WWP2: variants seen among roughly 807,000 people sequenced by gnomAD.
WWP2 encodes the protein NEDD4-like E3 ubiquitin-protein ligase WWP2.
A neutral mutation model predicts 121.0 loss-of-function variants in WWP2; 57 were observed. The ratio of observed to expected loss-of-function variants is 0.47; its 90% CI spans 0.38 to 0.59. The LOEUF (loss-of-function observed/expected upper bound fraction) is 0.59, where lower values mean the gene tolerates loss of function less well. Ranked by LOEUF, WWP2 falls within the 20% of genes least tolerant of loss-of-function variation. The probability of loss-of-function intolerance (pLI) is 0.00; values close to 1 mark genes in which losing one functional copy is unlikely to be tolerated. For missense variants in WWP2, 962 were observed against 1,158.9 expected, an observed-to-expected ratio of 0.83 and a Z score of 2.47; for synonymous variants, 449 against 441.3, an observed-to-expected ratio of 1.02 and a Z score of -0.22.
chr16:69,935,737 C>A lies in WWP2; in HGVS notation c.1843-116C>A. 1 of 1,455,624 alleles carries A rather than the reference C, an allele frequency of 6.9e-7. No individual in the cohort carries two copies. The highest frequency in any genetic ancestry group is 9.2e-7 in the Non-Finnish European group (1 of 1,082,320). 90.2% of individuals were successfully genotyped at this position (1,455,624 alleles called of 1,614,324 possible). Reference sequence around the variant, plus strand: ...GTCCGAGGCAGCTGCTGCTGTAGTTCTGTCAGGGAAGGAAGGCGGGTAGCG... The same window carrying A: ...GTCCGAGGCAGCTGCTGCTGTAGTTATGTCAGGGAAGGAAGGCGGGTAGCG... On this transcript the variant is annotated intron_variant, in intron 17 of 23. Coordinates refer to ENST00000359154, the MANE Select transcript of WWP2 (RefSeq NM_001270454.2). The surrounding 1 kb of genome is among the most constrained non-coding windows in gnomAD (Gnocchi z 5.2).
At chr16:69,783,478 G>A (rs1002657822) in intron 1 of WWP2, among the ~76,000 whole-genome samples, 6 of 151,940 alleles carry the variant, frequency 3.9e-5, no homozygotes, top group African/African-American at 1.5e-4. Flanking sequence ...CGAGGCTGCC[G>A]TGAGCCATGA....
At chr16:69,849,965 T>C (rs1031958705) in intron 6 of WWP2, among the ~76,000 whole-genome samples, 8 of 152,238 alleles carry the variant, frequency 5.3e-5, no homozygotes, top group African/African-American at 1.9e-4. Context: ...ATGTTTATAA[T>C]GCCAGATGTG....
intron 2 of WWP2, among the ~76,000 whole-genome samples, chr16:69,790,675 A>T (rs992040696): frequency 6.6e-6 from 1 of 152,170 alleles, no homozygotes; most frequent in African/African-American, 2.4e-5. Context: ...TCCTGGGTTC[A>T]AGCGATTCTC....
chr16:69,817,263 T>G (rs1223031887), intron 4 of WWP2, among the ~76,000 whole-genome samples: 1 of 152,178 alleles, frequency 6.6e-6, no homozygotes, highest in Non-Finnish European at 1.5e-5. Context: ...TTTTGTTTTG[T>G]TTTTTGAGAC....
intron 4 of WWP2, among the ~76,000 whole-genome samples, chr16:69,812,310 C>T (rs759338290): frequency 6.6e-6 from 1 of 151,076 alleles, no homozygotes; most frequent in Non-Finnish European, 1.5e-5. Flanking sequence ...GGATTACAGG[C>T]ACCCACCATC....
intron 7 of WWP2, among the ~76,000 whole-genome samples, chr16:69,885,799 G>C (rs184278332): frequency 6.6e-6 from 1 of 152,162 alleles, no homozygotes; most frequent in Non-Finnish European, 1.5e-5. Context: ...GTGGGGTTGC[G>C]TGTGAGGCCT....
In WWP2 at chr16:69,800,172, G is replaced by GT. The variant is rs369389628; in HGVS notation, c.340+878dup. On this transcript the variant is annotated intron_variant, in intron 4 of 23. Transcript: ENST00000359154. ...TTGAAAGGTCTTTGAGCCTCCTCTG[G>GT]TCTTTTCTTTTCGGCTGGGCACATA... 5.6e-3 allele frequency among the ~76,000 whole-genome samples: 725 copies of GT among 128,332 alleles called. 11 individuals are homozygous for GT. The highest frequency in any genetic ancestry group is 0.019 in the African/African-American group (688 of 36,002). The allele number at this position is 128,332 out of a possible 152,430, so 84.2% of individuals were successfully genotyped here.
At chr16:69,784,014 C>T (rs1473802343) in intron 1 of WWP2, among the ~76,000 whole-genome samples, 1 of 151,894 alleles carries the variant, frequency 6.6e-6, no homozygotes, top group African/African-American at 2.4e-5. Context: ...AAGTGTGGTC[C>T]TCAGACATTG....
chr16:69,860,589 G>T (rs2057398812), intron 6 of WWP2, among the ~76,000 whole-genome samples: 2 of 152,196 alleles, frequency 1.3e-5, no homozygotes. Flanking sequence ...TCAGCAAAGG[G>T]TCTGACTCTC....
rs760810777 is a variant in WWP2 at position 69,937,141 on chromosome 16, C to A, written c.2141C>A (p.Thr714Asn). 1 of 1,613,920 alleles carries A rather than the reference C, an allele frequency of 6.2e-7. No individual in the cohort carries two copies. Among genetic ancestry groups the A allele is most frequent in the Non-Finnish European group, 8.5e-7 (1 of 1,179,944 alleles). The stretch of plus-strand genomic sequence containing the variant: ...AGGCTGCTGACTGACTGGCGTTTCA[C>A]CCGAGGCGTGGAAGAGCAGACCAAA... ...YIMLLTDWRF[T>N]RGVEEQTKAF... Residue 714 changes from threonine (T) to asparagine (N), a missense_variant, in exon 20 of 24, where the codon ACC becomes AAC. By Grantham distance (65) the Thr-to-Asn change is moderately conservative. Coordinates refer to ENST00000359154, the MANE Select transcript of WWP2 (RefSeq NM_001270454.2). This position sits in a 1 kb window ranked among gnomAD's most constrained non-coding sequence, Gnocchi z 6.6.
At chr16:69,787,118 C>T (rs2055809926) in intron 2 of WWP2, 38 bp downstream of exon 2, 2 of 1,571,306 alleles carry the variant, frequency 1.3e-6, no homozygotes, top group African/African-American at 2.7e-5. Context: ...CTTGTCTACG[C>T]CCAGGGAAGA....
intron 7 of WWP2, among the ~76,000 whole-genome samples, chr16:69,878,094 C>T (rs9927967): frequency 0.53 from 79,847 of 151,970 alleles, 21,573 homozygotes; most frequent in East Asian, 0.9. Flanking sequence ...AGGTGTGAGC[C>T]ACCGTGCCCA....
chr16:69,865,655 G>A (rs1281594507), intron 6 of WWP2, among the ~76,000 whole-genome samples: 1 of 152,200 alleles, frequency 6.6e-6, no homozygotes, highest in East Asian at 1.9e-4. Context: ...TATAGGAGAA[G>A]CTATAAATAT....
intron 4 of WWP2, among the ~76,000 whole-genome samples, chr16:69,812,357 G>A (rs918990605): frequency 2.6e-5 from 4 of 151,172 alleles, no homozygotes; most frequent in African/African-American, 9.7e-5. Context: ...TAGAGATGGG[G>A]TTTCATCATG....
intron 6 of WWP2, among the ~76,000 whole-genome samples, chr16:69,855,784 G>A (rs1188558276): frequency 6.6e-6 from 1 of 152,206 alleles, no homozygotes; most frequent in East Asian, 1.9e-4. Context: ...TGGAGAGGAA[G>A]GGGAAGTGGA....
At chr16:69,936,077 A>G (rs780728138) in intron 18 of WWP2, 91 bp downstream of exon 18, 77 of 1,553,526 alleles carry the variant, frequency 5.0e-5, no homozygotes, top group Non-Finnish European at 6.5e-5. Context: ...TTTGTCTGCC[A>G]GTGTGGCCCC....
chr16:69,882,156 A>G (rs1212748723), intron 7 of WWP2, among the ~76,000 whole-genome samples: 2 of 151,646 alleles, frequency 1.3e-5, no homozygotes, highest in Non-Finnish European at 2.9e-5. Flanking sequence ...GGGTTTCACC[A>G]TGTTGACCAC....
chr16:69,802,179 C>T (rs574328055), intron 4 of WWP2, among the ~76,000 whole-genome samples: 20 of 152,152 alleles, frequency 1.3e-4, no homozygotes, highest in Non-Finnish European at 2.8e-4. Flanking sequence ...CTGCCCGCCT[C>T]GGCCTCCCAA....
chr16:69,938,021 G>T (rs2058825938), intron 21 of WWP2, among the ~76,000 whole-genome samples: 1 of 152,070 alleles, frequency 6.6e-6, no homozygotes, highest in African/African-American at 2.4e-5. Flanking sequence ...TTAATGTGTT[G>T]ATTCTTTTAT....
Sources: allele counts gnomAD v4.1 joint callset (sites outside exome capture counted in the v4.1 genomes callset), GRCh38; gene constraint gnomAD v4.1.1; non-coding constraint Gnocchi (gnomAD v3.1); transcripts MANE v1.5; gene names NCBI Gene and HGNC (gene_info 2026-07-23, HGNC 2026-07-21).